Variants in EXOC6B observed in about 807,000 individuals in gnomAD.
EXOC6B encodes the protein exocyst complex component 6B.
A neutral mutation model predicts 113.5 loss-of-function variants in EXOC6B; 54 were observed. That is an observed-to-expected ratio of 0.48 (90% CI 0.38 to 0.60). EXOC6B has a LOEUF of 0.60. Among genes scored for constraint, EXOC6B ranks in the 20% least tolerant of loss-of-function variants. The probability of loss-of-function intolerance (pLI) is 0.00; values close to 1 mark genes in which losing one functional copy is unlikely to be tolerated. For missense variants in EXOC6B, 797 were observed against 977.5 expected (o/e 0.82, Z 2.46); for synonymous variants, 357 against 339.0 (o/e 1.05, Z -0.58).
chr2:72,736,861 A>C (rs1681002328), intron 2 of EXOC6B, among the ~76,000 whole-genome samples: 1 of 152,162 alleles, frequency 6.6e-6, no homozygotes, highest in Non-Finnish European at 1.5e-5. Context: ...GAACAGCCCA[A>C]GATGAGTATA....
chr2:72,799,420 A>C (rs915513209), intron 1 of EXOC6B, among the ~76,000 whole-genome samples: 1 of 151,622 alleles, frequency 6.6e-6, no homozygotes, highest in Admixed American at 6.6e-5. Flanking sequence ...AAATACAAAA[A>C]TTAGCCTGGC....
chr2:72,674,879 T>C (rs1429257413), intron 6 of EXOC6B, among the ~76,000 whole-genome samples: 2 of 152,224 alleles, frequency 1.3e-5, no homozygotes, highest in African/African-American at 4.8e-5. Context: ...ATTATCTGTT[T>C]AAATTCCAAA....
At chr2:72,496,722 A>G (rs969969470) in intron 13 of EXOC6B, among the ~76,000 whole-genome samples, 163 bp from the exon 14 acceptor site, 1 of 152,034 alleles carries the variant, frequency 6.6e-6, no homozygotes. Context: ...AGTCCCTATT[A>G]TATTCCTTCC....
At chr2:72,314,179 CCTG>C (rs1263295419) in intron 20 of EXOC6B, among the ~76,000 whole-genome samples, 4 of 152,108 alleles carry the variant, frequency 2.6e-5, no homozygotes, top group Admixed American at 2.6e-4. Context: ...ATATTGTATT[CCTG>C]CTATCACTTT....
At chr2:72,790,302 A>G (rs887878087) in intron 1 of EXOC6B, among the ~76,000 whole-genome samples, 18 of 152,234 alleles carry the variant, frequency 1.2e-4, no homozygotes, top group Admixed American at 1.0e-3. Context: ...GTAATATAGA[A>G]GCACTAAGTT....
chr2:72,378,621 C>A (rs765314430), intron 19 of EXOC6B, among the ~76,000 whole-genome samples: 4 of 152,152 alleles, frequency 2.6e-5, no homozygotes, highest in African/African-American at 4.8e-5. Flanking sequence ...CCTATTAATG[C>A]CTTTTTAAAT....
intron 6 of EXOC6B, among the ~76,000 whole-genome samples, chr2:72,665,036 T>G (rs956537234): frequency 6.6e-6 from 1 of 151,634 alleles, no homozygotes; most frequent in African/African-American, 2.4e-5. Flanking sequence ...TGAAGAGGGG[T>G]GGGATGTGGG....
chr2:72,407,999 T>G (rs1034900552), intron 18 of EXOC6B, among the ~76,000 whole-genome samples: 5 of 152,220 alleles, frequency 3.3e-5, no homozygotes, highest in African/African-American at 9.6e-5. Context: ...CTTAAGCTGA[T>G]AGGCAACTTC....
chr2:72,793,662 A>G (rs1349552909), intron 1 of EXOC6B, among the ~76,000 whole-genome samples: 3 of 152,192 alleles, frequency 2.0e-5, no homozygotes, highest in African/African-American at 7.2e-5. Flanking sequence ...AAAATGATGA[A>G]AAGAACACTT....
At chr2:72,787,082 C>T (rs531625187) in intron 1 of EXOC6B, among the ~76,000 whole-genome samples, 89 of 152,174 alleles carry the variant, frequency 5.8e-4, no homozygotes, top group Non-Finnish European at 1.1e-3. Flanking sequence ...AACTACCTAA[C>T]AACCTTAAAT....
intron 20 of EXOC6B, among the ~76,000 whole-genome samples, chr2:72,236,045 A>T (rs1681939080): frequency 1.3e-5 from 2 of 152,208 alleles, no homozygotes; most frequent in Admixed American, 1.3e-4. Flanking sequence ...AGAAGAAAGG[A>T]TTCCTACTCA....
intron 20 of EXOC6B, among the ~76,000 whole-genome samples, chr2:72,280,473 A>C (rs950521941): frequency 2.0e-5 from 3 of 152,204 alleles, no homozygotes; most frequent in African/African-American, 7.2e-5. Context: ...CTGGACATTA[A>C]AATTAAACAT....
chr2:72,471,187 T>C (rs1290165520), intron 17 of EXOC6B, among the ~76,000 whole-genome samples: 1 of 152,184 alleles, frequency 6.6e-6, no homozygotes, highest in Non-Finnish European at 1.5e-5. Context: ...TATCTCATTG[T>C]GGTTTTGATT....
intron 3 of EXOC6B, 60 bp from the exon 4 acceptor site, chr2:72,731,305 C>T: frequency 1.6e-6 from 2 of 1,226,306 alleles, no homozygotes; most frequent in Admixed American, 3.9e-5. Flanking sequence ...AGCTTTCAGT[C>T]ACATTTTTCC....
At chr2:72,352,656 T>C (rs1401956187) in intron 19 of EXOC6B, among the ~76,000 whole-genome samples, 2 of 150,294 alleles carry the variant, frequency 1.3e-5, no homozygotes, top group Non-Finnish European at 3.0e-5. Flanking sequence ...CATGCTGGAG[T>C]GAGTAATGAT....
chr2:72,214,148 G>C (rs1680356387), intron 20 of EXOC6B, among the ~76,000 whole-genome samples: 1 of 147,618 alleles, frequency 6.8e-6, no homozygotes, highest in Non-Finnish European at 1.5e-5. Flanking sequence ...TGAAAACTGT[G>C]ACTGGTGCCT....
intron 1 of EXOC6B, among the ~76,000 whole-genome samples, chr2:72,760,797 A>G (rs1437283608): frequency 6.6e-6 from 1 of 152,230 alleles, no homozygotes; most frequent in Non-Finnish European, 1.5e-5. Flanking sequence ...CTGAAAAGAG[A>G]GACCACTAAA....
intron 6 of EXOC6B, among the ~76,000 whole-genome samples, chr2:72,673,458 A>C (rs1042030262): frequency 2.0e-5 from 3 of 152,192 alleles, no homozygotes; most frequent in Admixed American, 1.3e-4. Context: ...GATTCAAGCT[A>C]AGTCATATTC....
chr2:72,498,094 T>G (rs1700131229), intron 13 of EXOC6B, among the ~76,000 whole-genome samples: 1 of 152,188 alleles, frequency 6.6e-6, no homozygotes, highest in Admixed American at 6.5e-5. Flanking sequence ...ATAATTGAGT[T>G]GTAGACTAGG....
Sources: allele counts gnomAD v4.1 joint callset (sites outside exome capture counted in the v4.1 genomes callset), GRCh38; gene constraint gnomAD v4.1.1; transcripts MANE v1.5; gene names NCBI Gene and HGNC (gene_info 2026-07-23, HGNC 2026-07-21).